Variants in ST8SIA5 observed in about 807,000 individuals in gnomAD.
The protein encoded by ST8SIA5 is ST8 alpha-N-acetyl-neuraminide alpha-2,8-sialyltransferase 5.
ST8SIA5 carries 24 observed loss-of-function variants against 40.2 expected under a neutral mutation model. The observed-to-expected ratio is 0.60, with a 90% CI of 0.43 to 0.84. The LOEUF (loss-of-function observed/expected upper bound fraction) is 0.84, where lower values mean the gene tolerates loss of function less well. Ranked by LOEUF, ST8SIA5 falls within the 40% of genes least tolerant of loss-of-function variation. The pLI, the probability that ST8SIA5 is intolerant of heterozygous loss-of-function variation, is 0.00. For missense variants in ST8SIA5, 465 were observed against 498.5 expected (o/e 0.93, Z 0.64); for synonymous variants, 198 against 201.8 (o/e 0.98, Z 0.16).
chr18:46,683,776 AT>A (rs74172035), intron 5 of ST8SIA5, among the ~76,000 whole-genome samples: 12,431 of 151,940 alleles, frequency 0.082, 669 homozygotes, highest in East Asian at 0.15. Context: ...GTCAATTACC[AT>A]TTTTTTGAGC....
intron 1 of ST8SIA5, among the ~76,000 whole-genome samples, chr18:46,716,894 T>A (rs920508934): frequency 6.6e-6 from 1 of 152,160 alleles, no homozygotes; most frequent in Non-Finnish European, 1.5e-5. Context: ...AGGAAGTGGA[T>A]ACTGGAGGGA....
At chr18:46,751,923 G>A (rs1020153469) in intron 1 of ST8SIA5, among the ~76,000 whole-genome samples, 7 of 152,122 alleles carry the variant, frequency 4.6e-5, no homozygotes, top group African/African-American at 9.6e-5. Context: ...TCTTCCCAAC[G>A]CAGTTCTGGG....
intron 1 of ST8SIA5, among the ~76,000 whole-genome samples, chr18:46,710,417 T>TCTTTTTC (rs1568263187): frequency 3.3e-5 from 3 of 90,388 alleles, no homozygotes; most frequent in African/African-American, 1.2e-4. Flanking sequence ...CTTTCTTTCT[T>TCTTTTTC]TTTCTTTCTC....
rs146736550 is a variant in ST8SIA5 at position 46,741,921 on chromosome 18, G to A, written c.131+14457C>T. Among the ~76,000 whole-genome samples the A allele has an allele frequency of 2.3e-3, 345 of 152,028 alleles. 1 individual carries two copies. The highest frequency in any genetic ancestry group is 4.1e-3 in the Non-Finnish European group (276 of 67,988). On this transcript the variant is annotated intron_variant, in intron 1 of 6. Coordinates refer to ENST00000315087, the MANE Select transcript of ST8SIA5 (RefSeq NM_013305.6). Reference sequence around the variant, plus strand: ...GTTCCAGACCAGCCTGAGCAACATCGTGAAATCCCCTCTCTACTAAAAATA... The same window carrying A: ...GTTCCAGACCAGCCTGAGCAACATCATGAAATCCCCTCTCTACTAAAAATA...
At chr18:46,682,208 G>T (rs1248257847) in intron 5 of ST8SIA5, 144 bp from the exon 6 acceptor site, 2 of 614,932 alleles carry the variant, frequency 3.3e-6, no homozygotes, top group East Asian at 5.8e-5. Flanking sequence ...GTAGCCAGGT[G>T]ATAAGACAGT....
rs1745819447 is a variant in ST8SIA5 at position 46,671,106 on chromosome 18, T to C, written c.*8936A>G. On this transcript the variant is annotated 3_prime_UTR_variant, in exon 7 of 7. Transcript: ENST00000315087. ...GTTCGATCCTAGGAAGTGAGTTGTG[T>C]TTTCACCCTGCCTCAGTAAAACAGT... The C allele has an allele frequency of 6.6e-6, 1 of 152,174 alleles. No homozygotes were observed. The highest frequency in any genetic ancestry group is 6.5e-5 in the Admixed American group (1 of 15,288). The allele number at this position is 152,174 out of a possible 1,614,324, so 9.4% of individuals were successfully genotyped here.
chr18:46,721,233 C>A, intron 1 of ST8SIA5: 1 of 781,606 alleles, frequency 1.3e-6, no homozygotes, highest in South Asian at 1.7e-5. Flanking sequence ...TACCAAAGTG[C>A]AGGGAGTTTC....
intron 4 of ST8SIA5, among the ~76,000 whole-genome samples, chr18:46,686,677 A>C (rs958436998): frequency 1.3e-5 from 2 of 152,150 alleles, no homozygotes; most frequent in African/African-American, 4.8e-5. Context: ...TTTAAGGGGG[A>C]CTTCTGCGGG....
intron 1 of ST8SIA5, among the ~76,000 whole-genome samples, chr18:46,752,504 T>C (rs537727518): frequency 2.6e-5 from 4 of 152,320 alleles, no homozygotes; most frequent in Non-Finnish European, 5.9e-5. Flanking sequence ...AGCACATGCT[T>C]TCTCCATTAG....
At chr18:46,690,997 A>G (rs2039499612) in intron 3 of ST8SIA5, among the ~76,000 whole-genome samples, 1 of 152,156 alleles carries the variant, frequency 6.6e-6, no homozygotes, top group Non-Finnish European at 1.5e-5. Context: ...TGAGTGTTTT[A>G]TCAGCCATAC....
intron 6 of ST8SIA5, among the ~76,000 whole-genome samples, chr18:46,680,761 G>A (rs1025720503): frequency 2.0e-5 from 3 of 152,196 alleles, no homozygotes; most frequent in African/African-American, 7.2e-5. Context: ...GGCTGCAGGG[G>A]GCAGGGCAAT....
intron 2 of ST8SIA5, among the ~76,000 whole-genome samples, chr18:46,701,267 A>G (rs1360869029): frequency 6.7e-6 from 1 of 150,086 alleles, no homozygotes; most frequent in Non-Finnish European, 1.5e-5. Flanking sequence ...CAGCCTCCCG[A>G]GTAGCTGGGA....
At chr18:46,717,490 C>T (rs2039804623) in intron 1 of ST8SIA5, among the ~76,000 whole-genome samples, 1 of 152,146 alleles carries the variant, frequency 6.6e-6, no homozygotes, top group African/African-American at 2.4e-5. Flanking sequence ...CATGTGCCAC[C>T]ACGCCTGGCT....
At chr18:46,681,148 T>A (rs1599096243) in intron 6 of ST8SIA5, among the ~76,000 whole-genome samples, 1 of 152,192 alleles carries the variant, frequency 6.6e-6, no homozygotes, top group Middle Eastern at 3.4e-3. Context: ...TTTTTTTTTT[T>A]TAATTTTTTG....
chr18:46,727,097 T>A (rs2144539277), intron 1 of ST8SIA5, among the ~76,000 whole-genome samples: 1 of 152,312 alleles, frequency 6.6e-6, no homozygotes, highest in Middle Eastern at 3.4e-3. Context: ...AAACAGAACA[T>A]ATAAGAATTA....
At chr18:46,685,973 T>C (rs572560393) in intron 5 of ST8SIA5, 1 of 602,666 alleles carries the variant, frequency 1.7e-6, no homozygotes, top group East Asian at 2.8e-5. Context: ...TGTGCAGATG[T>C]GGAAACTGAG....
intron 1 of ST8SIA5, among the ~76,000 whole-genome samples, chr18:46,737,244 GTCCCACCAGGGTAC>G (rs2040043890): frequency 6.6e-6 from 1 of 152,032 alleles, no homozygotes; most frequent in Admixed American, 6.6e-5. Context: ...CCTCTGTCAG[GTCCCACCAGGGTAC>G]TCCCACCCCG....
At position 46,673,234 on chromosome 18, in the gene ST8SIA5, AC is replaced by A. The variant is rs1395220751; in HGVS notation, c.*6807del. 1 of 152,254 alleles carries A rather than the reference AC, an allele frequency of 6.6e-6. No individual in the cohort carries two copies. The highest frequency in any genetic ancestry group is 1.5e-5 in the Non-Finnish European group (1 of 68,048). 9.4% of individuals were successfully genotyped at this position (152,254 alleles called of 1,614,324 possible). ...ATAAATTCTATGTTATGTGTATTTT[AC>A]CATAATTACAAATGAAAAAGAAATC... On this transcript the variant is annotated 3_prime_UTR_variant, in exon 7 of 7. Transcript: ENST00000315087.
intron 1 of ST8SIA5, among the ~76,000 whole-genome samples, chr18:46,727,886 T>C (rs2039946524): frequency 1.3e-5 from 2 of 152,220 alleles, no homozygotes; most frequent in Non-Finnish European, 1.5e-5. Context: ...TGCTGTGGAC[T>C]GTTTAATGAC....
Sources: gnomAD v4.1 joint callset for allele counts (sites outside exome capture counted in the v4.1 genomes callset) on GRCh38, gnomAD v4.1.1 for gene constraint, MANE v1.5 for transcripts, NCBI Gene and HGNC (gene_info 2026-07-23, HGNC 2026-07-21) for gene names.